Variants in EXPH5 observed in about 807,000 individuals in gnomAD.
EXPH5 encodes the protein exophilin-5.
A neutral mutation model predicts 41.1 loss-of-function variants in EXPH5; 42 were observed. The observed-to-expected ratio is 1.02, with a 90% CI of 0.80 to 1.32. EXPH5 has a LOEUF of 1.32. Among genes scored for constraint, EXPH5 ranks in the 40% most tolerant of loss-of-function variants. The pLI is 0.00. For missense variants in EXPH5, 2,298 were observed against 2,314.5 expected (o/e 0.99, Z 0.15); for synonymous variants, 798 against 833.5 (o/e 0.96, Z 0.73).
In EXPH5 at chr11:108,510,473, T is replaced by C; in HGVS notation, c.5034A>G (p.Leu1678=). ...KSENLLPITV[L]PNREPSTHVS... ...CGTGTGTAGAAGGTTCTCTGTTGGG[T>C]AGTACAGTAATGGGGAGAAGGTTCT... Residue 1678 remains leucine (L), a synonymous_variant, in exon 6 of 6, where the codon CTA becomes CTG. Transcript: ENST00000265843. 2.5e-6 allele frequency: 4 copies of C among 1,614,162 alleles called. No homozygotes were observed. Among genetic ancestry groups the C allele is most frequent in the Non-Finnish European group, 3.4e-6 (4 of 1,180,024 alleles).
At chr11:108,570,726 G>T (rs2094056525) in intron 1 of EXPH5, among the ~76,000 whole-genome samples, 1 of 152,108 alleles carries the variant, frequency 6.6e-6, no homozygotes, top group African/African-American at 2.4e-5. Context: ...AAATTATTCT[G>T]CAGAGATGGG....
chr11:108,529,109 CA>C (rs2093819626), intron 3 of EXPH5, among the ~76,000 whole-genome samples: 1 of 151,146 alleles, frequency 6.6e-6, no homozygotes. Context: ...AAGTAACGAC[CA>C]GATTTAACAG....
In EXPH5 at chr11:108,539,139, T is replaced by C. The variant is rs1261910556; in HGVS notation, c.328A>G (p.Lys110Glu). The C allele has an allele frequency of 6.2e-7, 1 of 1,610,978 alleles. No homozygotes were observed. The highest frequency in any genetic ancestry group is 1.7e-5 in the Admixed American group (1 of 59,742). The change falls in exon 3 of 6, where the codon AAA (lysine) becomes GAA (glutamate). Residue 110 changes from lysine to glutamate, a missense_variant. Lys to Glu is a moderately conservative substitution (Grantham distance 56, BLOSUM62 1). Coordinates refer to ENST00000265843, the MANE Select transcript of EXPH5 (RefSeq NM_015065.3). ...CGGGAAGAAAAAGGTGTCGGCTTTT[T>C]TTGATTAGTTACATTTTTAGATCTT... Reference protein sequence around the residue: ...TSRSKNVTNQKKPTPFSSRMS... With the variant: ...TSRSKNVTNQEKPTPFSSRMS...
chr11:108,512,451 T>C lies in EXPH5; in HGVS notation c.3056A>G (p.Tyr1019Cys). Reference sequence around the variant, plus strand: ...GCTTGATTTTCTTGGCAAGGTACAATAAATTGTGTCAAGTTCAGAAACTTT... The same window carrying C: ...GCTTGATTTTCTTGGCAAGGTACAACAAATTGTGTCAAGTTCAGAAACTTT... ...NSKVSELDTI[Y>C]CTLPRKSSSF... Residue 1019 changes from tyrosine (Y) to cysteine (C), a missense_variant, in exon 6 of 6, where the codon TAT becomes TGT. Physicochemically the swap from Tyr to Cys is radical, Grantham distance 194. Coordinates refer to ENST00000265843, the MANE Select transcript of EXPH5 (RefSeq NM_015065.3). 1.2e-6 allele frequency: 2 copies of C among 1,613,580 alleles called. No homozygotes were observed. The highest frequency in any genetic ancestry group is 1.7e-6 in the Non-Finnish European group (2 of 1,179,890).
chr11:108,572,043 C>T (rs2094062104), intron 1 of EXPH5, among the ~76,000 whole-genome samples: 1 of 116,032 alleles, frequency 8.6e-6, no homozygotes, highest in Non-Finnish European at 2.0e-5. Context: ...GAGCGAGACT[C>T]TGTCTCCAAA....
At chr11:108,597,111 A>G (rs949277687), upstream of EXPH5, among the ~76,000 whole-genome samples, 1 of 152,032 alleles carries the variant, frequency 6.6e-6, no homozygotes, top group African/African-American at 2.4e-5. Flanking sequence ...TCCCCACCAC[A>G]GGGCTTAGTT....
At chr11:108,527,430 A>T (rs896744419) in intron 4 of EXPH5, among the ~76,000 whole-genome samples, 1 of 152,132 alleles carries the variant, frequency 6.6e-6, no homozygotes, top group Admixed American at 6.5e-5. Context: ...AGAAAAAGGG[A>T]GGACCCAGTA....
chr11:108,543,704 G>A (rs1007211681), intron 1 of EXPH5, among the ~76,000 whole-genome samples: 3 of 152,146 alleles, frequency 2.0e-5, no homozygotes, highest in African/African-American at 7.2e-5. Flanking sequence ...CTTGCTTGGG[G>A]CTATGATACT....
At position 108,513,123 on chromosome 11, in the gene EXPH5, T is replaced by A; in HGVS notation, c.2384A>T (p.Asp795Val). 1 of 1,611,560 alleles carries A rather than the reference T, an allele frequency of 6.2e-7. No individual in the cohort carries two copies. Among genetic ancestry groups the A allele is most frequent in the African/African-American group, 1.3e-5 (1 of 74,796 alleles). ...HTDKSNDIKQ[D>V]KRFTENRKLG... ...TTTTCTGTTTTCAGTAAACCTCTTA[T>A]CTTGTTTAATGTCATTGGATTTATC... The change falls in exon 6 of 6, where the codon GAT becomes GTT. Residue 795 changes from aspartate to valine, a missense_variant. Asp to Val is a radical substitution (Grantham distance 152). Coordinates refer to ENST00000265843, the MANE Select transcript of EXPH5 (RefSeq NM_015065.3).
At chr11:108,575,666 A>C (rs1049685456) in intron 1 of EXPH5, among the ~76,000 whole-genome samples, 1 of 152,230 alleles carries the variant, frequency 6.6e-6, no homozygotes, top group Non-Finnish European at 1.5e-5. Context: ...TAAGACCACA[A>C]CTGTGTTAAA....
Position 108,512,929 on chromosome 11 carries a change from G to A in EXPH5, c.2578C>T (p.Gln860Ter), listed in dbSNP as rs752891293. The A allele has an allele frequency of 1.2e-6, 2 of 1,613,126 alleles. No individual in the cohort carries two copies. Among genetic ancestry groups the A allele is most frequent in the Non-Finnish European group, 1.7e-6 (2 of 1,179,576 alleles). The change falls in exon 6 of 6, where the codon CAA (glutamine) becomes TAA (stop). Residue 860 changes from glutamine (Q) to a stop codon, truncating the protein, a stop_gained. Coordinates refer to ENST00000265843, the MANE Select transcript of EXPH5 (RefSeq NM_015065.3). LOFTEE classifies it low-confidence loss of function (END_TRUNC). Reference sequence around the variant, plus strand: ...GGAGTTAACTTGCATTTTGAGTATTGTGCATTTTGAGTATCAGTCAGTGCA... The same window carrying A: ...GGAGTTAACTTGCATTTTGAGTATTATGCATTTTGAGTATCAGTCAGTGCA... ...SSALTDTQNA[Q>*]YSKCKLTPGH...
At chr11:108,542,654 A>C (rs1334518908) in intron 1 of EXPH5, among the ~76,000 whole-genome samples, 4 of 152,206 alleles carry the variant, frequency 2.6e-5, no homozygotes, top group African/African-American at 9.6e-5. Context: ...TTGCTTGTCC[A>C]TCCAGTGGTC....
At chr11:108,596,974 C>A (rs758766244), upstream of EXPH5, among the ~76,000 whole-genome samples, 2 of 152,250 alleles carry the variant, frequency 1.3e-5, no homozygotes, top group East Asian at 1.9e-4. Flanking sequence ...TCCTGGCAAC[C>A]TTTTGCCCAG....
At chr11:108,517,729 TAGATGTATTTCCTAA>T (rs942763234) in intron 5 of EXPH5, among the ~76,000 whole-genome samples, 5 of 152,284 alleles carry the variant, frequency 3.3e-5, no homozygotes, top group Middle Eastern at 3.4e-3. Context: ...GCAAACTTTG[TAGATGTATTTCCTAA>T]AGATGTATTT....
At chr11:108,557,540 G>A (rs1031989189) in intron 1 of EXPH5, among the ~76,000 whole-genome samples, 1 of 152,140 alleles carries the variant, frequency 6.6e-6, no homozygotes, top group African/African-American at 2.4e-5. Flanking sequence ...TGGATACGGG[G>A]TTTTGGCATC....
Position 108,510,678 on chromosome 11 carries a change from A to T in EXPH5, c.4829T>A (p.Val1610Glu), listed in dbSNP as rs771189241. Residue 1610 changes from valine to glutamate, a missense_variant, in exon 6 of 6, where the codon GTA becomes GAA. Val to Glu is a moderately radical substitution (Grantham distance 121, BLOSUM62 -2). Coordinates refer to ENST00000265843, the MANE Select transcript of EXPH5 (RefSeq NM_015065.3). The part of the protein sequence containing the change: ...KASRKFPAKD[V>E]SPRRHVATIF... ...AGTAGCTACATGTCTTCTGGGGCTT[A>T]CATCTTTAGCTGGGAATTTTCTGCT... The T allele has an allele frequency of 4.3e-6, 7 of 1,614,060 alleles. No individual in the cohort carries two copies. The highest frequency in any genetic ancestry group is 5.9e-6 in the Non-Finnish European group (7 of 1,180,036).
chr11:108,562,939 T>A (rs1272047765), intron 1 of EXPH5, among the ~76,000 whole-genome samples: 1 of 152,242 alleles, frequency 6.6e-6, no homozygotes, highest in African/African-American at 2.4e-5. Context: ...CTGACTCAGT[T>A]TTAGCTAAAG....
At chr11:108,519,102 C>T (rs531156537) in intron 4 of EXPH5, among the ~76,000 whole-genome samples, 119 of 152,322 alleles carry the variant, frequency 7.8e-4, no homozygotes, top group African/African-American at 2.8e-3. Context: ...TCTTAATAAA[C>T]TTGCTTTCAC....
At chr11:108,525,921 T>C (rs1565793371) in intron 4 of EXPH5, among the ~76,000 whole-genome samples, 1 of 149,194 alleles carries the variant, frequency 6.7e-6, no homozygotes, top group African/African-American at 2.5e-5. Context: ...TTCTTTTCTT[T>C]TTTTTTTTTT....
Sources: allele counts gnomAD v4.1 joint callset (sites outside exome capture counted in the v4.1 genomes callset), GRCh38; gene constraint gnomAD v4.1.1; transcripts MANE v1.5; gene names NCBI Gene and HGNC (gene_info 2026-07-23, HGNC 2026-07-21).